SNX3: variants seen among roughly 807,000 people sequenced by gnomAD.
SNX3 encodes sorting nexin-3.
A neutral mutation model predicts 17.7 loss-of-function variants in SNX3; 5 were observed. That is an observed-to-expected ratio of 0.28 (90% CI 0.15 to 0.59). SNX3 has a LOEUF of 0.59. Ranked by LOEUF, SNX3 falls within the 20% of genes least tolerant of loss-of-function variation. The pLI is 0.88. For missense variants in SNX3, 132 were observed against 206.8 expected (o/e 0.64, Z 2.22); for synonymous variants, 91 against 76.5 (o/e 1.19, Z -0.99).
At chr6:108,229,689 GCTAGCCATA>G (rs1223204203) in intron 1 of SNX3, among the ~76,000 whole-genome samples, 1 of 152,194 alleles carries the variant, frequency 6.6e-6, no homozygotes, top group Non-Finnish European at 1.5e-5. Context: ...TTAACACAGA[GCTAGCCATA>G]CTATAAGACA....
intron 1 of SNX3, among the ~76,000 whole-genome samples, chr6:108,248,852 C>G (rs923114211): frequency 6.6e-6 from 1 of 152,020 alleles, no homozygotes; most frequent in Non-Finnish European, 1.5e-5. Flanking sequence ...CCTTAACCTC[C>G]TTGGCTCAAA....
At chr6:108,215,839 G>C (rs1774553640) in intron 2 of SNX3, among the ~76,000 whole-genome samples, 1 of 152,018 alleles carries the variant, frequency 6.6e-6, no homozygotes, top group Admixed American at 6.6e-5. Flanking sequence ...GGCGGAAGTG[G>C]GATGATCACT....
At chr6:108,227,633 T>G (rs1775015266) in intron 1 of SNX3, among the ~76,000 whole-genome samples, 1 of 149,984 alleles carries the variant, frequency 6.7e-6, no homozygotes, top group South Asian at 2.1e-4. Flanking sequence ...TTTTCTTAAC[T>G]GGTTATGATT....
chr6:108,249,497 GCAGT>G (rs1201326080), intron 1 of SNX3, among the ~76,000 whole-genome samples: 1 of 152,142 alleles, frequency 6.6e-6, no homozygotes, highest in Non-Finnish European at 1.5e-5. Context: ...AGAACAGATT[GCAGT>G]CAATTTTGTT....
intron 1 of SNX3, among the ~76,000 whole-genome samples, chr6:108,246,656 A>G (rs570811250): frequency 5.9e-4 from 89 of 150,612 alleles, no homozygotes; most frequent in Non-Finnish European, 9.0e-4. Context: ...TTAAAATTGT[A>G]TTTTTTTTAT....
chr6:108,216,800 TAAAAAC>T (rs1339114052), intron 2 of SNX3, among the ~76,000 whole-genome samples: 1 of 151,852 alleles, frequency 6.6e-6, no homozygotes, highest in Admixed American at 6.6e-5. Flanking sequence ...AAAAACAAAA[TAAAAAC>T]AAAAAAACCA....
At chr6:108,236,292 T>TA (rs1210637536) in intron 1 of SNX3, among the ~76,000 whole-genome samples, 2 of 151,350 alleles carry the variant, frequency 1.3e-5, no homozygotes, top group Non-Finnish European at 2.9e-5. Context: ...AATACCAACC[T>TA]GGCCAACAAG....
chr6:108,224,328 T>C (rs1422634452), intron 1 of SNX3, among the ~76,000 whole-genome samples: 1 of 152,184 alleles, frequency 6.6e-6, no homozygotes, highest in Non-Finnish European at 1.5e-5. Flanking sequence ...TCGCCCAGGC[T>C]GTAGTGCAGT....
chr6:108,242,471 T>A (rs563376355), intron 1 of SNX3, among the ~76,000 whole-genome samples: 11 of 152,170 alleles, frequency 7.2e-5, no homozygotes, highest in Non-Finnish European at 1.0e-4. Context: ...AACAGCTGAC[T>A]TCTCACCAGA....
intron 1 of SNX3, among the ~76,000 whole-genome samples, chr6:108,247,155 C>T (rs1169991593): frequency 1.3e-5 from 2 of 152,076 alleles, no homozygotes; most frequent in African/African-American, 4.8e-5. Context: ...TTCCTGGCAC[C>T]TTGTGAAGCA....
intron 1 of SNX3, among the ~76,000 whole-genome samples, chr6:108,223,795 T>C (rs1774891543): frequency 6.6e-6 from 1 of 152,148 alleles, no homozygotes; most frequent in Admixed American, 6.5e-5. Flanking sequence ...AGCCACTGCC[T>C]GGCCCACTAG....
intron 1 of SNX3, among the ~76,000 whole-genome samples, chr6:108,249,952 A>G (rs1775799720): frequency 6.6e-6 from 1 of 152,108 alleles, no homozygotes; most frequent in Admixed American, 6.6e-5. Context: ...ATTCTGTCAC[A>G]CAGGCTGGAG....
chr6:108,214,895 A>G (rs1774517337), intron 2 of SNX3, among the ~76,000 whole-genome samples: 1 of 152,248 alleles, frequency 6.6e-6, no homozygotes, highest in South Asian at 2.1e-4. Flanking sequence ...TACAAAGAGA[A>G]CACTCACAAC....
At chr6:108,222,924 A>T (rs1324057193) in intron 2 of SNX3, 26 bp downstream of exon 2, 1 of 1,375,748 alleles carries the variant, frequency 7.3e-7, no homozygotes. Flanking sequence ...GTTTTGCTTT[A>T]AAGTTGCATC....
Position 108,223,497 on chromosome 6 carries a change from CT to C in SNX3, c.163-453del, listed in dbSNP as rs59920022. Among the ~76,000 whole-genome samples the C allele has an allele frequency of 3.7e-3, 412 of 110,236 alleles. 1 individual carries two copies. The highest frequency in any genetic ancestry group is 0.014 in the African/African-American group (328 of 23,668). 72.3% of individuals were successfully genotyped at this position (110,236 alleles called of 152,430 possible). A position where few individuals can be genotyped will look rare whatever the true frequency, so the allele number is the denominator to read the frequency against. ...ATAACAAAATAAAACTTTGCTAGTT[CT>C]TTTTTTTTTTTTTTTTTTTTTTTTT... On this transcript the variant is annotated intron_variant, in intron 1 of 3. Coordinates refer to ENST00000230085, the MANE Select transcript of SNX3 (RefSeq NM_003795.6).
intron 1 of SNX3, among the ~76,000 whole-genome samples, chr6:108,232,279 C>CA (rs1238769565): frequency 3.3e-5 from 5 of 152,084 alleles, no homozygotes; most frequent in Non-Finnish European, 5.9e-5. Flanking sequence ...CCATTTTCCA[C>CA]AAAAAGTATT....
intron 1 of SNX3, among the ~76,000 whole-genome samples, chr6:108,258,010 T>C (rs1345263726): frequency 5.9e-5 from 9 of 152,026 alleles, no homozygotes; most frequent in Admixed American, 5.9e-4. Context: ...CCAAAGTCAT[T>C]TCATGCATTA....
chr6:108,229,931 A>C (rs1369632330), intron 1 of SNX3, among the ~76,000 whole-genome samples: 1 of 152,194 alleles, frequency 6.6e-6, no homozygotes, highest in Non-Finnish European at 1.5e-5. Context: ...AACAGAAAAA[A>C]TAGAACAGAG....
intron 2 of SNX3, among the ~76,000 whole-genome samples, chr6:108,221,532 CTTTT>C (rs554429322): frequency 0.019 from 1,116 of 57,410 alleles, 5 homozygotes; most frequent in South Asian, 0.06. Flanking sequence ...CAGTATTACA[CTTTT>C]TTTTTTTTTT....
Sources: gnomAD v4.1 joint callset for allele counts (sites outside exome capture counted in the v4.1 genomes callset) on GRCh38, gnomAD v4.1.1 for gene constraint, MANE v1.5 for transcripts, NCBI Gene and HGNC (gene_info 2026-07-23, HGNC 2026-07-21) for gene names.